The following NISCH variants were observed in gnomAD, a reference collection of about 807,000 sequenced individuals.
The protein encoded by NISCH is I-1 receptor candidate protein.
NISCH carries 55 observed loss-of-function variants against 138.4 expected under a neutral mutation model. The ratio of observed to expected loss-of-function variants is 0.40; its 90% CI spans 0.32 to 0.50. NISCH has a LOEUF of 0.50. Ranked by LOEUF, NISCH falls within the 20% of genes least tolerant of loss-of-function variation. NISCH has a pLI of 0.71. For synonymous variants in NISCH, 860 were observed against 861.5 expected (o/e 1.00, Z 0.03); for missense variants, 1,643 against 2,005.5 (o/e 0.82, Z 3.45).
intron 7 of NISCH, chr3:52,476,235 ATTCT>A (rs1707093875): frequency 1.7e-6 from 1 of 579,666 alleles, no homozygotes; most frequent in Non-Finnish European, 3.1e-6. Flanking sequence ...CCAGGACTTA[ATTCT>A]AAGTGGCTGT....
chr3:52,468,241 A>G (rs1706841382), intron 3 of NISCH, among the ~76,000 whole-genome samples: 1 of 152,224 alleles, frequency 6.6e-6, no homozygotes. Flanking sequence ...CCTGGGAGAC[A>G]GAGCGAGACC....
In NISCH at chr3:52,492,252, G is replaced by A; in HGVS notation, c.4285G>A (p.Ala1429Thr). The part of the protein sequence containing the change: ...VLMGYQTYPQ[A>T]LTLVFDDVQG... ...CATGGGCTACCAGACCTACCCGCAGGCCCTCACCCTCGTCTTCGATGACGT... is the reference window on the plus strand; with the variant it reads ...CATGGGCTACCAGACCTACCCGCAGACCCTCACCCTCGTCTTCGATGACGT... Residue 1429 changes from alanine (A) to threonine (T), a missense_variant, in exon 21 of 21, where the codon GCC becomes ACC. Coordinates refer to ENST00000345716, the MANE Select transcript of NISCH (RefSeq NM_007184.4). The A allele has an allele frequency of 5.6e-6, 9 of 1,613,234 alleles. No individual in the cohort carries two copies. The highest frequency in any genetic ancestry group is 7.6e-6 in the Non-Finnish European group (9 of 1,180,038).
intron 3 of NISCH, among the ~76,000 whole-genome samples, chr3:52,463,532 C>A (rs1001388274): frequency 5.9e-5 from 9 of 152,070 alleles, no homozygotes; most frequent in African/African-American, 2.2e-4. Flanking sequence ...ACAAATTGTT[C>A]TCCACAGTTG....
At chr3:52,458,584 C>A in intron 2 of NISCH, 78 bp from the exon 3 acceptor site, 1 of 1,298,080 alleles carries the variant, frequency 7.7e-7, no homozygotes, top group Non-Finnish European at 1.1e-6. Flanking sequence ...AAGCGCCTGC[C>A]CTCAAGCTTC....
rs1707573426 is a variant in NISCH at position 52,491,860 on chromosome 3, ATC to A, written c.3905-6_3905-5del. ...GGTTCCAGGCTATAGCCCAGGTGGC[ATC>A]TCTCTGCAGGGAAGATGGAGAACTA... On this transcript the variant is annotated splice_polypyrimidine_tract_variant and intron_variant, in intron 20 of 20. Coordinates refer to ENST00000345716, the MANE Select transcript of NISCH (RefSeq NM_007184.4). The A allele has an allele frequency of 6.4e-7, 1 of 1,572,002 alleles. No homozygotes were observed. Among genetic ancestry groups the A allele is most frequent in the Non-Finnish European group, 8.7e-7 (1 of 1,155,336 alleles).
chr3:52,486,714 T>C (rs1707411000), intron 15 of NISCH, among the ~76,000 whole-genome samples: 1 of 152,186 alleles, frequency 6.6e-6, no homozygotes, highest in Non-Finnish European at 1.5e-5. Context: ...GCTTACTAAC[T>C]CCCACTCTAC....
rs755394793 is a variant in NISCH, at chr3:52,480,236, C to T, written c.1469C>T (p.Ser490Phe). 9 of 1,613,882 alleles carry T rather than the reference C, an allele frequency of 5.6e-6. No individual in the cohort carries two copies. Among genetic ancestry groups the T allele is most frequent in the Non-Finnish European group, 7.6e-6 (9 of 1,180,028 alleles). The change falls in exon 13 of 21, where the codon TCC becomes TTC. Residue 490 changes from serine (S) to phenylalanine (F), a missense_variant. Physicochemically the swap from Ser to Phe is radical, Grantham distance 155. Coordinates refer to ENST00000345716, the MANE Select transcript of NISCH (RefSeq NM_007184.4). ...SAAPCIRPSS[S>F]PPTVAPASAS... ...GCCCCCTGCATCAGACCCAGCAGCT[C>T]CCCTCCCACTGTGGCTCCCGCATCT...
At chr3:52,485,750 GGACT>G in intron 14 of NISCH, 24 bp from the exon 15 acceptor site, 3 of 1,565,494 alleles carry the variant, frequency 1.9e-6, no homozygotes, top group Non-Finnish European at 1.7e-6. Flanking sequence ...CAGTAGGTGG[GGACT>G]GACTGTGTTT....
At chr3:52,474,635 T>C (rs1211796922) in intron 7 of NISCH, among the ~76,000 whole-genome samples, 3 of 152,058 alleles carry the variant, frequency 2.0e-5, no homozygotes, top group African/African-American at 7.2e-5. Context: ...TTTTACCACG[T>C]TGGCCAGGCT....
chr3:52,485,385 A>G (rs1193994433), intron 14 of NISCH, among the ~76,000 whole-genome samples: 2 of 152,236 alleles, frequency 1.3e-5, no homozygotes, highest in African/African-American at 2.4e-5. Context: ...CCCAGTGCAC[A>G]GAGACCATTG....
Position 52,457,278 on chromosome 3 carries a change from C to G in NISCH, c.94-565C>G, listed in dbSNP as rs1028890108. ...GCCTCCTGATAGAGCTTAGTTGCTA[C>G]CACTCCCTCCCCACATCAGCTGCTT... On this transcript the variant is annotated intron_variant, in intron 1 of 20. Transcript: ENST00000345716. 2.0e-5 allele frequency among the ~76,000 whole-genome samples: 3 copies of G among 152,212 alleles called. No homozygotes were observed. The East Asian group carries it at 5.8e-4, about 29-fold the overall frequency.
chr3:52,484,486 C>T, intron 13 of NISCH, 27 bp from the exon 14 acceptor site: 2 of 1,406,400 alleles, frequency 1.4e-6, no homozygotes. Flanking sequence ...ACCCTGCCTG[C>T]CTGCCCACCC....
At chr3:52,476,163 C>T (rs1255562291) in intron 7 of NISCH, 2 of 372,514 alleles carry the variant, frequency 5.4e-6, no homozygotes, top group Admixed American at 3.9e-5. Flanking sequence ...CTAGAAAAGG[C>T]ATCACCAGGT....
At chr3:52,481,262 C>T in intron 13 of NISCH, 1 of 1,066,090 alleles carries the variant, frequency 9.4e-7, no homozygotes, top group South Asian at 4.0e-5. Context: ...GCAGCCCTCC[C>T]AGCAGGGACA....
At chr3:52,478,659 T>G (rs1274146512) in intron 11 of NISCH, 82 bp downstream of exon 11, 1 of 1,311,070 alleles carries the variant, frequency 7.6e-7, no homozygotes. Context: ...GGGATATATG[T>G]CCATTGTTCT....
Position 52,491,957 on chromosome 3 carries a change from C to T in NISCH, c.3990C>T (p.Phe1330=). The change falls in exon 21 of 21, where the codon TTC becomes TTT. Residue 1330 remains phenylalanine (F), a synonymous_variant. Coordinates refer to ENST00000345716, the MANE Select transcript of NISCH (RefSeq NM_007184.4). ...AGGAGGAGATTGGGGACCTGACGTT[C>T]ACTGTGGCCCAAAAGATGGCTGAGC... ...PSEEEIGDLT[F]TVAQKMAEPE... 2 of 1,613,690 alleles carry T rather than the reference C, an allele frequency of 1.2e-6. No individual in the cohort carries two copies. The highest frequency in any genetic ancestry group is 1.1e-5 in the South Asian group (1 of 91,072).
intron 3 of NISCH, chr3:52,470,420 C>G (rs1174094886): frequency 1.2e-5 from 2 of 166,970 alleles, no homozygotes; most frequent in African/African-American, 4.8e-5. Flanking sequence ...GGAGGGTTAG[C>G]TCTGGGTGGT....
intron 17 of NISCH, 128 bp from the exon 18 acceptor site, chr3:52,489,939 CTCTGCCTT>C: frequency 7.7e-7 from 1 of 1,300,950 alleles, no homozygotes; most frequent in Non-Finnish European, 1.1e-6. Context: ...CTCTCTTCCT[CTCTGCCTT>C]GAAGCATACG....
chr3:52,473,957 G>T (rs796877076), intron 7 of NISCH, 128 bp downstream of exon 7: 7 of 526,046 alleles, frequency 1.3e-5, no homozygotes, highest in African/African-American at 1.1e-4. Flanking sequence ...GACCTTCTGT[G>T]GGGTAGGCAG....
Sources: gnomAD v4.1 joint callset for allele counts (sites outside exome capture counted in the v4.1 genomes callset) on GRCh38, gnomAD v4.1.1 for gene constraint, MANE v1.5 for transcripts, NCBI Gene and HGNC (gene_info 2026-07-23, HGNC 2026-07-21) for gene names.